The following ATP10B variants were observed in gnomAD, a reference collection of about 807,000 sequenced individuals.
The protein encoded by ATP10B is ATPase phospholipid transporting 10B (putative).
Under a neutral mutation model 141.2 loss-of-function variants are expected in ATP10B, and 122 were observed. The ratio of observed to expected loss-of-function variants is 0.86; its 90% CI spans 0.75 to 1.00. ATP10B has a LOEUF of 1.00. ATP10B is among the 50% of genes least tolerant of loss of function. The pLI, the probability that ATP10B is intolerant of heterozygous loss-of-function variation, is 0.00. For missense variants in ATP10B, 1,876 were observed against 1,825.3 expected, an observed-to-expected ratio of 1.03 and a Z score of -0.51; for synonymous variants, 685 against 692.0, an observed-to-expected ratio of 0.99 and a Z score of 0.16.
At chr5:160,718,980 C>A (rs1765819733) in intron 2 of ATP10B, among the ~76,000 whole-genome samples, 1 of 152,156 alleles carries the variant, frequency 6.6e-6, no homozygotes, top group Admixed American at 6.5e-5. Context: ...GATGAATAAA[C>A]AAAGGAATAA....
chr5:160,795,903 T>A (rs902299331), intron 1 of ATP10B, among the ~76,000 whole-genome samples: 1 of 152,120 alleles, frequency 6.6e-6, no homozygotes, highest in Non-Finnish European at 1.5e-5. Context: ...AGAGAATGCA[T>A]TTCTGTTGTT....
intron 24 of ATP10B, among the ~76,000 whole-genome samples, chr5:160,572,127 A>G (rs1754912139): frequency 1.3e-5 from 2 of 152,002 alleles, no homozygotes; most frequent in Admixed American, 6.6e-5. Context: ...TTTCTCTAGC[A>G]TCTCCTTTTC....
At chr5:160,887,497 G>A in the ATP10B span, among the ~76,000 whole-genome samples, 1 of 152,074 alleles carries the variant, frequency 6.6e-6, no homozygotes, top group Non-Finnish European at 1.5e-5. Context: ...AAACACAAGT[G>A]AGACCTCATC....
At chr5:160,742,809 T>A (rs1561807887) in intron 2 of ATP10B, among the ~76,000 whole-genome samples, 1 of 152,210 alleles carries the variant, frequency 6.6e-6, no homozygotes. Context: ...GGATGAGTTC[T>A]AAGATCATTT....
intron 9 of ATP10B, among the ~76,000 whole-genome samples, chr5:160,643,910 C>G (rs1375720427): frequency 6.6e-6 from 1 of 152,150 alleles, no homozygotes; most frequent in African/African-American, 2.4e-5. Flanking sequence ...ATCCCTTTCC[C>G]TATCTAGTGC....
In ATP10B at chr5:160,653,477, ATAGG is replaced by A. The variant is rs1256666502; in HGVS notation, c.676-4225_676-4222del. Among the ~76,000 whole-genome samples the A allele has an allele frequency of 5.7e-5, 4 of 70,370 alleles. 1 individual carries two copies. Among genetic ancestry groups the A allele is most frequent in the African/African-American group, 2.4e-4 (4 of 16,728 alleles). The allele number at this position is 70,370 out of a possible 152,430, so 46.2% of individuals were successfully genotyped here. ...TATATATACATATGTACATACATACATAGGTAGTATATATACATATGTACATATA... is the reference window on the plus strand; with the variant it reads ...TATATATACATATGTACATACATACATAGTATATATACATATGTACATATA... On this transcript the variant is annotated intron_variant, in intron 7 of 25. Coordinates refer to ENST00000327245, the MANE Select transcript of ATP10B (RefSeq NM_025153.3).
chr5:160,891,816 CTATT>C, the ATP10B span, among the ~76,000 whole-genome samples: 6 of 152,142 alleles, frequency 3.9e-5, no homozygotes, highest in Non-Finnish European at 5.9e-5. Context: ...TTCCTTGACT[CTATT>C]CATTTACTTA....
In ATP10B at chr5:160,673,804, G is replaced by A. The variant is rs181148773; in HGVS notation, c.471-3137C>T. 7.9e-5 allele frequency among the ~76,000 whole-genome samples: 12 copies of A among 152,288 alleles called. No homozygotes were observed. The East Asian group carries it at 2.3e-3, about 29-fold the overall frequency. ...TTTTCCTTCTTCAAAGTAGCCCTGG[G>A]AAAACCTGTTAAATATCCAAGTATA... On this transcript the variant is annotated intron_variant, in intron 6 of 25. Coordinates refer to ENST00000327245, the MANE Select transcript of ATP10B (RefSeq NM_025153.3).
chr5:160,722,530 G>T (rs1766062625), intron 2 of ATP10B, among the ~76,000 whole-genome samples: 1 of 151,964 alleles, frequency 6.6e-6, no homozygotes, highest in South Asian at 2.1e-4. Flanking sequence ...CAGCCTTTCT[G>T]CTGGCAGCAA....
At chr5:160,916,230 T>G in the ATP10B span, among the ~76,000 whole-genome samples, 1 of 152,162 alleles carries the variant, frequency 6.6e-6, no homozygotes, top group Non-Finnish European at 1.5e-5. Flanking sequence ...ATGTCTGGAT[T>G]TGGGGATGTA....
the ATP10B span, among the ~76,000 whole-genome samples, chr5:160,858,724 T>C: frequency 6.6e-6 from 1 of 152,002 alleles, no homozygotes; most frequent in South Asian, 2.1e-4. Flanking sequence ...AGCTTTTGCA[T>C]TTTTGAGTAT....
intron 1 of ATP10B, among the ~76,000 whole-genome samples, chr5:160,787,748 T>G (rs1051593776): frequency 1.3e-5 from 2 of 152,106 alleles, no homozygotes; most frequent in Non-Finnish European, 2.9e-5. Flanking sequence ...GGACACTCTG[T>G]GATCTTTTAT....
intron 7 of ATP10B, among the ~76,000 whole-genome samples, chr5:160,658,323 G>A (rs1190195176): frequency 1.3e-5 from 2 of 152,214 alleles, no homozygotes; most frequent in Non-Finnish European, 2.9e-5. Flanking sequence ...TGCCTAGGCA[G>A]AGAGAGGTCA....
chr5:160,566,921 C>T (rs1561608773), intron 25 of ATP10B, among the ~76,000 whole-genome samples: 1 of 152,170 alleles, frequency 6.6e-6, no homozygotes, highest in Non-Finnish European at 1.5e-5. Flanking sequence ...TGTCTAAAAG[C>T]TGCAAGGTGA....
intron 1 of ATP10B, among the ~76,000 whole-genome samples, chr5:160,819,490 A>T (rs1156693825): frequency 6.6e-6 from 1 of 152,184 alleles, no homozygotes; most frequent in Non-Finnish European, 1.5e-5. Flanking sequence ...CCGAAGGTCC[A>T]AAACTTACTG....
At position 160,589,706 on chromosome 5, in the gene ATP10B, A is replaced by T; in HGVS notation, c.3646-10T>A. ...CAGAGCCCTTATAGGCCTGCAGAGGAGGAACAGACAGGCATTGTCAGGTAT... is the reference window on the plus strand; with the variant it reads ...CAGAGCCCTTATAGGCCTGCAGAGGTGGAACAGACAGGCATTGTCAGGTAT... On this transcript the variant is annotated splice_polypyrimidine_tract_variant and intron_variant, in intron 23 of 25. Coordinates refer to ENST00000327245, the MANE Select transcript of ATP10B (RefSeq NM_025153.3). 6.3e-7 allele frequency: 1 copy of T among 1,590,482 alleles called. No homozygotes were observed. Among genetic ancestry groups the T allele is most frequent in the African/African-American group, 1.3e-5 (1 of 74,502 alleles).
intron 2 of ATP10B, among the ~76,000 whole-genome samples, chr5:160,728,521 C>T (rs1337681392): frequency 2.6e-5 from 4 of 152,210 alleles, no homozygotes; most frequent in African/African-American, 9.6e-5. Context: ...CCCATGGCTC[C>T]ATGGGAAGAG....
chr5:160,808,708 T>C (rs995389175), intron 1 of ATP10B, among the ~76,000 whole-genome samples: 2 of 152,300 alleles, frequency 1.3e-5, no homozygotes, highest in Non-Finnish European at 2.9e-5. Context: ...TCTGTTACCA[T>C]TTTATCTAGG....
chr5:160,586,008 C>G (rs572621333), intron 24 of ATP10B, among the ~76,000 whole-genome samples: 1 of 152,146 alleles, frequency 6.6e-6, no homozygotes, highest in African/African-American at 2.4e-5. Context: ...ATGTACAGAA[C>G]GTGCAAGTTT....
Sources: gnomAD v4.1 joint callset for allele counts (sites outside exome capture counted in the v4.1 genomes callset) on GRCh38, gnomAD v4.1.1 for gene constraint, MANE v1.5 for transcripts, NCBI Gene and HGNC (gene_info 2026-07-23, HGNC 2026-07-21) for gene names.